CREB3L3: variants seen among roughly 807,000 people sequenced by gnomAD.
CREB3L3 encodes cyclic AMP-responsive element-binding protein 3-like protein 3.
CREB3L3 carries 40 observed loss-of-function variants against 44.6 expected under a neutral mutation model. The ratio of observed to expected loss-of-function variants is 0.90; its 90% CI spans 0.70 to 1.17. The LOEUF (loss-of-function observed/expected upper bound fraction) is 1.17, where lower values mean the gene tolerates loss of function less well. Among genes scored for constraint, CREB3L3 ranks in the 50% most tolerant of loss-of-function variants. The probability of loss-of-function intolerance (pLI) is 0.00; values close to 1 mark genes in which losing one functional copy is unlikely to be tolerated. For missense variants in CREB3L3, 578 were observed against 595.8 expected (o/e 0.97, Z 0.31); for synonymous variants, 273 against 256.3 (o/e 1.06, Z -0.62).
chr19:4,162,732 A>T (rs2041675884), intron 4 of CREB3L3, among the ~76,000 whole-genome samples: 3 of 151,752 alleles, frequency 2.0e-5, no homozygotes, highest in African/African-American at 4.8e-5. Context: ...TAATCCCAGG[A>T]ATTTGGGAGG....
rs370947110 is a variant in CREB3L3 at position 4,165,956 on chromosome 19, CT to C, written c.714+1317del. 9.9e-5 allele frequency among the ~76,000 whole-genome samples: 15 copies of C among 152,216 alleles called. No individual in the cohort carries two copies. The East Asian group carries it at 2.7e-3, about 27-fold the overall frequency. Reference sequence around the variant, plus strand: ...ACCAACTCAATTACTTGAATGTCCTCTGTTTCATATTCTCAAACCTCCATAT... The same window carrying C: ...ACCAACTCAATTACTTGAATGTCCTCGTTTCATATTCTCAAACCTCCATAT... On this transcript the variant is annotated intron_variant, in intron 5 of 9. Coordinates refer to ENST00000078445, the MANE Select transcript of CREB3L3 (RefSeq NM_032607.3).
rs1271835874 is a variant in CREB3L3 at position 4,161,005 on chromosome 19, G to A, written c.576+1223G>A. Among the ~76,000 whole-genome samples, 10 of 150,698 alleles carry A rather than the reference G, an allele frequency of 6.6e-5. No individual in the cohort carries two copies. The East Asian group carries it at 9.8e-4, about 15-fold the overall frequency. ...CGGCTCACTGCAAGCTCCGCCTACC[G>A]GGTTCACACCATTCTCCTGCCTCAG... On this transcript the variant is annotated intron_variant, in intron 4 of 9. Coordinates refer to ENST00000078445, the MANE Select transcript of CREB3L3 (RefSeq NM_032607.3).
At position 4,171,753 on chromosome 19, in the gene CREB3L3, A is replaced by T; in HGVS notation, c.1170A>T (p.Thr390=). Reference sequence around the variant, plus strand: ...CAGGACCCCGACCCGAGGCTGACACAACCCGAGAAGAGTCTCCAGGAAGCC... The same window carrying T: ...CAGGACCCCGACCCGAGGCTGACACTACCCGAGAAGAGTCTCCAGGAAGCC... ...EAPGPRPEAD[T]TREESPGSPG... The change falls in exon 10 of 10, where the codon ACA becomes ACT. Residue 390 remains threonine, a synonymous_variant. Transcript: ENST00000078445. The surrounding 1 kb of genome is among the most constrained non-coding windows in gnomAD (Gnocchi z 4.9). 1 of 1,613,298 alleles carries T rather than the reference A, an allele frequency of 6.2e-7. No homozygotes were observed. The highest frequency in any genetic ancestry group is 8.5e-7 in the Non-Finnish European group (1 of 1,179,998).
chr19:4,167,846 G>A (rs746638721), intron 5 of CREB3L3, among the ~76,000 whole-genome samples: 23 of 152,076 alleles, frequency 1.5e-4, no homozygotes, highest in Middle Eastern at 6.8e-3. Context: ...CCTTGGCTCC[G>A]GGATGTCTTG....
chr19:4,168,666 TAGA>T (rs1966977411), intron 6 of CREB3L3, among the ~76,000 whole-genome samples: 1 of 152,152 alleles, frequency 6.6e-6, no homozygotes, highest in Admixed American at 6.5e-5. Context: ...CTTTGCCCCC[TAGA>T]AGGTGTGCGG....
At chr19:4,159,832 T>G in intron 4 of CREB3L3, 50 bp downstream of exon 4, 10 of 856,962 alleles carry the variant, frequency 1.2e-5, no homozygotes, top group Non-Finnish European at 1.8e-5. Context: ...GGAGGGCTGC[T>G]CGGGTTCGAG....
At chr19:4,162,058 GT>G (rs2041668164) in intron 4 of CREB3L3, among the ~76,000 whole-genome samples, 1 of 152,158 alleles carries the variant, frequency 6.6e-6, no homozygotes. Flanking sequence ...TCCAGGCTAA[GT>G]GCAGTGCCAC....
chr19:4,168,538 A>G (rs1468628125), intron 6 of CREB3L3, 81 bp downstream of exon 6: 1 of 1,117,048 alleles, frequency 9.0e-7, no homozygotes, highest in Non-Finnish European at 1.3e-6. Context: ...AAGGCCACAC[A>G]GCTTAGAGTC....
intron 4 of CREB3L3, among the ~76,000 whole-genome samples, chr19:4,163,457 C>T (rs760883182): frequency 7.9e-5 from 12 of 152,098 alleles, no homozygotes; most frequent in Non-Finnish European, 1.0e-4. Flanking sequence ...TAGAATGACC[C>T]GGTCAAAGGA....
At position 4,171,751 on chromosome 19, in the gene CREB3L3, A is replaced by C. The variant is rs376044105; in HGVS notation, c.1168A>C (p.Thr390Pro). The C allele has an allele frequency of 5.0e-6, 8 of 1,613,196 alleles. No individual in the cohort carries two copies. The African/African-American group carries it at 1.1e-4, about 22-fold the overall frequency. Residue 390 changes from threonine to proline, a missense_variant, in exon 10 of 10, where the codon ACA (threonine) becomes CCA (proline). Physicochemically the swap from Thr to Pro is conservative, Grantham distance 38. Coordinates refer to ENST00000078445, the MANE Select transcript of CREB3L3 (RefSeq NM_032607.3). The surrounding 1 kb of genome is among the most constrained non-coding windows in gnomAD (Gnocchi z 4.9). ...CCCAGGACCCCGACCCGAGGCTGAC[A>C]CAACCCGAGAAGAGTCTCCAGGAAG... ...EAPGPRPEAD[T>P]TREESPGSPG... is the part of the protein sequence containing the mutation.
chr19:4,155,102 G>A, intron 2 of CREB3L3, 75 bp downstream of exon 2: 1 of 1,574,342 alleles, frequency 6.4e-7, no homozygotes, highest in Non-Finnish European at 8.6e-7. Context: ...GAAGGTGCTA[G>A]ACCCGCCAGA....
chr19:4,170,318 T>C, intron 7 of CREB3L3, 110 bp downstream of exon 7: 2 of 1,121,698 alleles, frequency 1.8e-6, no homozygotes, highest in Non-Finnish European at 2.7e-6. Flanking sequence ...GAATAAGAGT[T>C]TTACCTATGG....
At chr19:4,163,328 AAAAGAAAGAAAG>A (rs141964111) in intron 4 of CREB3L3, among the ~76,000 whole-genome samples, 2 of 135,700 alleles carry the variant, frequency 1.5e-5, no homozygotes, top group East Asian at 2.4e-4. Context: ...AAGAAGAAAG[AAAAGAAAGAAAG>A]AAAGAAAGAA....
intron 1 of CREB3L3, 38 bp downstream of exon 1, chr19:4,153,812 A>G (rs376786216): frequency 1.2e-6 from 2 of 1,612,450 alleles, no homozygotes; most frequent in Non-Finnish European, 1.7e-6. Context: ...GCGGGAGTCT[A>G]GGCTGGGAAA....
intron 3 of CREB3L3, 22 bp from the exon 4 acceptor site, chr19:4,159,642 C>T (rs1447811833): frequency 1.1e-5 from 12 of 1,130,746 alleles, no homozygotes; most frequent in South Asian, 2.5e-5. Context: ...TCCCTGTCTC[C>T]GTCCCCACCT....
chr19:4,167,973 T>TTTTTTTTA (rs1555704043), intron 5 of CREB3L3, among the ~76,000 whole-genome samples: 3 of 144,848 alleles, frequency 2.1e-5, no homozygotes, highest in Non-Finnish European at 3.0e-5. Context: ...ATTTTAATTA[T>TTTTTTTTA]TTTATTTATT....
intron 5 of CREB3L3, among the ~76,000 whole-genome samples, chr19:4,167,126 T>A (rs1966923160): frequency 6.6e-6 from 1 of 152,066 alleles, no homozygotes; most frequent in African/African-American, 2.4e-5. Context: ...GCGGATCACC[T>A]GAGGTCAGGA....
rs138214612 is a variant in CREB3L3, at chr19:4,157,012, C to G, written c.174C>G (p.Pro58=). 5.6e-6 allele frequency: 9 copies of G among 1,614,070 alleles called. No homozygotes were observed. The South Asian group carries it at 7.7e-5, about 14-fold the overall frequency. ...CACCCCAGCAGGTCCTGCCAAACCCCGACTCTGACGACTTCCTCAGCTCCA... is the reference window on the plus strand; with the variant it reads ...CACCCCAGCAGGTCCTGCCAAACCCGGACTCTGACGACTTCCTCAGCTCCA... ...HVKDQQVLPN[P]DSDDFLSSIL... Residue 58 remains proline (P), a synonymous_variant, in exon 3 of 10, where the codon CCC becomes CCG. Transcript: ENST00000078445.
chr19:4,158,220 C>T (rs770812835), intron 3 of CREB3L3, among the ~76,000 whole-genome samples: 4 of 151,884 alleles, frequency 2.6e-5, no homozygotes, highest in Admixed American at 6.6e-5. Flanking sequence ...GGCTCAGGCC[C>T]GGAGCGGTGA....
Sources: gnomAD v4.1 joint callset for allele counts (sites outside exome capture counted in the v4.1 genomes callset) on GRCh38, gnomAD v4.1.1 for gene constraint, Gnocchi (gnomAD v3.1) non-coding constraint, MANE v1.5 for transcripts, NCBI Gene and HGNC (gene_info 2026-07-23, HGNC 2026-07-21) for gene names.